Variants in LRRC37B observed in about 807,000 individuals in gnomAD.
The protein encoded by LRRC37B is leucine-rich repeat-containing protein 37B.
A neutral mutation model predicts 98.3 loss-of-function variants in LRRC37B; 28 were observed. The observed-to-expected ratio is 0.28, with a 90% CI of 0.21 to 0.39. LRRC37B has a LOEUF of 0.39. Among genes scored for constraint, LRRC37B ranks in the 10% least tolerant of loss-of-function variants. The pLI is 1.00. For missense variants in LRRC37B, 938 were observed against 1,182.7 expected, an observed-to-expected ratio of 0.79 and a Z score of 3.03; for synonymous variants, 364 against 442.7, an observed-to-expected ratio of 0.82 and a Z score of 2.23.
At chr17:32,043,929 C>T (rs1280066709) in intron 7 of LRRC37B, among the ~76,000 whole-genome samples, 2 of 151,418 alleles carry the variant, frequency 1.3e-5, no homozygotes, top group Non-Finnish European at 2.9e-5. Flanking sequence ...ATTTATTGAT[C>T]ACTCAGTGTG....
exon 1 of LRRC37B, chr17:32,021,538 T>G: frequency 6.2e-7 from 1 of 1,613,978 alleles, no homozygotes; most frequent in Non-Finnish European, 8.5e-7. Context: ...GAAGAAAGGC[T>G]CCCAGAGGTG....
intron 8 of LRRC37B, among the ~76,000 whole-genome samples, chr17:32,046,517 T>C (rs1402971336): frequency 6.6e-6 from 1 of 152,164 alleles, no homozygotes; most frequent in African/African-American, 2.4e-5. Flanking sequence ...TATCTACCAG[T>C]GATATGGGGT....
At chr17:32,012,942 G>A (rs780561429) in intron 1 of LRRC37B, among the ~76,000 whole-genome samples, 39 of 152,134 alleles carry the variant, frequency 2.6e-4, no homozygotes, top group Non-Finnish European at 4.4e-4. Context: ...GCTTGAAGCC[G>A]GGAGGCAGAG....
At chr17:32,031,082 G>A (rs1228506160) in intron 4 of LRRC37B, among the ~76,000 whole-genome samples, 4 of 151,788 alleles carry the variant, frequency 2.6e-5, no homozygotes, top group Non-Finnish European at 5.9e-5. Flanking sequence ...AACCCCCACG[G>A]CAAAGAGTTA....
intron 2 of LRRC37B, among the ~76,000 whole-genome samples, chr17:32,027,553 G>C (rs1444761163): frequency 1.3e-5 from 2 of 151,662 alleles, no homozygotes; most frequent in African/African-American, 4.9e-5. Flanking sequence ...GCCTGCAAAT[G>C]TGTGTGTGCG....
chr17:32,022,239 G>T, exon 1 of LRRC37B: 2 of 1,613,030 alleles, frequency 1.2e-6, no homozygotes, highest in East Asian at 4.5e-5. Context: ...ATCTACCCAA[G>T]CCCAGCAGGA....
At chr17:32,036,976 A>ATT (rs71360793) in intron 7 of LRRC37B, among the ~76,000 whole-genome samples, 681 of 51,724 alleles carry the variant, frequency 0.013, 187 homozygotes, top group East Asian at 0.047. Flanking sequence ...CATCTTCAGC[A>ATT]TTTTTTTTTT....
upstream of LRRC37B, among the ~76,000 whole-genome samples, chr17:32,019,769 A>G (rs1426317510): frequency 6.6e-6 from 1 of 152,242 alleles, no homozygotes; most frequent in African/African-American, 2.4e-5. Flanking sequence ...GTGAAATGTG[A>G]GAGGAAGTTA....
At chr17:32,045,915 T>A (rs1167023098) in intron 8 of LRRC37B, 97 bp downstream of exon 11, 4 of 1,298,996 alleles carry the variant, frequency 3.1e-6, no homozygotes, top group East Asian at 5.1e-5. Flanking sequence ...GCTGATGATA[T>A]AATTGTTTTA....
At chr17:32,048,017 AC>A (rs1174736982) in intron 9 of LRRC37B, 116 bp downstream of exon 12, 1 of 1,568,672 alleles carries the variant, frequency 6.4e-7, no homozygotes, top group Non-Finnish European at 8.8e-7. Context: ...CGTTCACTGA[AC>A]AGCTATTTTC....
At chr17:32,035,922 T>C (rs1264865611) in intron 7 of LRRC37B, 2 of 295,944 alleles carry the variant, frequency 6.8e-6, no homozygotes, top group Non-Finnish European at 1.3e-5. Context: ...TTTCTGTTCC[T>C]AGTTTTGTCT....
chr17:32,044,646 G>A (rs1256587606), intron 7 of LRRC37B, among the ~76,000 whole-genome samples: 1 of 152,118 alleles, frequency 6.6e-6, no homozygotes, highest in African/African-American at 2.4e-5. Flanking sequence ...TTGGAAGGCC[G>A]AGATGGGCAA....
intron 2 of LRRC37B, among the ~76,000 whole-genome samples, chr17:32,025,655 C>G (rs951380040): frequency 6.6e-6 from 1 of 152,184 alleles, no homozygotes; most frequent in African/African-American, 2.4e-5. Flanking sequence ...TTCATTTAAA[C>G]TCCTGCATAA....
At chr17:32,019,729 A>G (rs1405986142), upstream of LRRC37B, among the ~76,000 whole-genome samples, 2 of 152,238 alleles carry the variant, frequency 1.3e-5, no homozygotes, top group Non-Finnish European at 2.9e-5. Context: ...CCACCAAGGA[A>G]ACTTCCAGCT....
At position 32,053,433 on chromosome 17, in the gene LRRC37B, G is replaced by T. The variant is rs1911813098; in HGVS notation, c.*105G>T. 5 of 693,362 alleles carry T rather than the reference G, an allele frequency of 7.2e-6. No individual in the cohort carries two copies. The South Asian group carries it at 1.0e-4, about 14-fold the overall frequency. 43.0% of individuals were successfully genotyped at this position (693,362 alleles called of 1,614,324 possible). A position where few individuals can be genotyped will look rare whatever the true frequency, so the allele number is the denominator to read the frequency against. On this transcript the variant is annotated 3_prime_UTR_variant, in exon 12 of 12. Coordinates refer to ENST00000327564, the Ensembl canonical transcript of LRRC37B. Reference sequence around the variant, plus strand: ...TGAAAACTTTCTTTACTTTGTGGTTGTGTTCCTCAAAATGAGAATTTTTAA... The same window carrying T: ...TGAAAACTTTCTTTACTTTGTGGTTTTGTTCCTCAAAATGAGAATTTTTAA...
chr17:32,052,309 T>A (rs1304370740), intron 11 of LRRC37B: 2 of 151,960 alleles, frequency 1.3e-5, no homozygotes, highest in East Asian at 1.9e-4. Context: ...CTCAGCTTCC[T>A]GAGTGGCTGG....
intron 7 of LRRC37B, among the ~76,000 whole-genome samples, chr17:32,038,338 G>A (rs1227969269): frequency 4.6e-5 from 7 of 151,336 alleles, no homozygotes; most frequent in South Asian, 2.1e-4. Context: ...GCTCACCTGT[G>A]GTCCCAGCTA....
intron 7 of LRRC37B, chr17:32,041,110 T>C (rs564749144): frequency 2.6e-4 from 202 of 767,188 alleles, no homozygotes; most frequent in Non-Finnish European, 4.1e-4. Flanking sequence ...TGGCAGGCCA[T>C]GCAGATCCTG....
chr17:32,043,495 A>C, intron 7 of LRRC37B, among the ~76,000 whole-genome samples: 1 of 152,222 alleles, frequency 6.6e-6, no homozygotes, highest in African/African-American at 2.4e-5. Flanking sequence ...CAGGAGACAA[A>C]GGCTGCAGTG....
Sources: allele counts gnomAD v4.1 joint callset (sites outside exome capture counted in the v4.1 genomes callset), GRCh38; gene constraint gnomAD v4.1.1; transcripts MANE v1.5; gene names NCBI Gene and HGNC (gene_info 2026-07-23, HGNC 2026-07-21).